Variants in MAGI2 observed in about 807,000 individuals in gnomAD.
The protein encoded by MAGI2 is membrane-associated guanylate kinase, WW and PDZ domain-containing protein 2.
A neutral mutation model predicts 133.3 loss-of-function variants in MAGI2; 35 were observed. That is an observed-to-expected ratio of 0.26 (90% CI 0.20 to 0.35). The LOEUF (loss-of-function observed/expected upper bound fraction) is 0.35, where lower values mean the gene tolerates loss of function less well. MAGI2 is among the 10% of genes least tolerant of loss of function. The pLI is 1.00. For missense variants in MAGI2, 1,636 were observed against 1,863.4 expected (o/e 0.88, Z 2.25); for synonymous variants, 729 against 710.6 (o/e 1.03, Z -0.41).
chr7:78,908,061 AC>A, intron 2 of MAGI2, among the ~76,000 whole-genome samples: 1 of 152,292 alleles, frequency 6.6e-6, no homozygotes, highest in East Asian at 1.9e-4. Flanking sequence ...ATATGCAAAG[AC>A]AGTAAGTTAG....
intron 6 of MAGI2, among the ~76,000 whole-genome samples, chr7:78,430,463 C>T (rs183475264): frequency 6.6e-6 from 1 of 151,768 alleles, no homozygotes; most frequent in Admixed American, 6.6e-5. Flanking sequence ...TTCCAGGAAA[C>T]TTATTAAAAA....
At chr7:78,908,879 A>G (rs1798173828) in intron 2 of MAGI2, among the ~76,000 whole-genome samples, 1 of 152,216 alleles carries the variant, frequency 6.6e-6, no homozygotes, top group African/African-American at 2.4e-5. Context: ...AACCTAGGCA[A>G]TACCATTCGG....
chr7:79,439,601 G>A (rs1848370275), intron 1 of MAGI2, among the ~76,000 whole-genome samples: 1 of 151,948 alleles, frequency 6.6e-6, no homozygotes, highest in African/African-American at 2.4e-5. Flanking sequence ...ATTCTTAGAG[G>A]GTAGAATCTG....
chr7:78,985,628 T>C (rs1446405433), intron 2 of MAGI2, among the ~76,000 whole-genome samples: 7 of 152,028 alleles, frequency 4.6e-5, no homozygotes, highest in Admixed American at 4.6e-4. Context: ...TCTTTAATAG[T>C]TTCTTTACCA....
chr7:78,311,443 A>G (rs1010459694), intron 9 of MAGI2, among the ~76,000 whole-genome samples: 1 of 152,236 alleles, frequency 6.6e-6, no homozygotes, highest in African/African-American at 2.4e-5. Context: ...GAGTCTGGGT[A>G]AAGAGGTGTT....
intron 9 of MAGI2, among the ~76,000 whole-genome samples, chr7:78,340,669 C>A (rs531033558): frequency 6.6e-6 from 1 of 152,030 alleles, no homozygotes; most frequent in African/African-American, 2.4e-5. Context: ...AATCAATAAA[C>A]GTAATCCATC....
At chr7:79,185,236 A>T (rs566460854) in intron 1 of MAGI2, among the ~76,000 whole-genome samples, 1 of 151,956 alleles carries the variant, frequency 6.6e-6, no homozygotes, top group Non-Finnish European at 1.5e-5. Flanking sequence ...TCCAAACTCC[A>T]TTGGTATCTT....
rs1807968011 is a variant in MAGI2, at chr7:78,018,502, ATT to A, written c.*811_*812del. On this transcript the variant is annotated 3_prime_UTR_variant, in exon 22 of 22. Transcript: ENST00000354212. ...GTGGTCCTTCAATTATAAAATTCAT[ATT>A]TTAGAGAAAAACCAATTAAGATCTA... is the stretch of plus-strand genomic sequence containing the variant. 1 of 152,252 alleles carries A rather than the reference ATT, an allele frequency of 6.6e-6. No individual in the cohort carries two copies. The highest frequency in any genetic ancestry group is 1.5e-5 in the Non-Finnish European group (1 of 68,044). The allele number at this position is 152,252 out of a possible 1,614,324, so 9.4% of individuals were successfully genotyped here. A position where few individuals can be genotyped will look rare whatever the true frequency, so the allele number is the denominator to read the frequency against.
At chr7:79,340,860 T>C (rs1840845489) in intron 1 of MAGI2, among the ~76,000 whole-genome samples, 1 of 152,128 alleles carries the variant, frequency 6.6e-6, no homozygotes, top group South Asian at 2.1e-4. Flanking sequence ...AGGATGGCCA[T>C]TTACCTGAGG....
intron 4 of MAGI2, among the ~76,000 whole-genome samples, chr7:78,512,962 G>A (rs934069971): frequency 1.3e-5 from 2 of 152,064 alleles, no homozygotes; most frequent in African/African-American, 4.8e-5. Context: ...CAGGGGAGAA[G>A]AAAATATCTA....
intron 3 of MAGI2, among the ~76,000 whole-genome samples, chr7:78,607,526 T>A (rs1805958929): frequency 6.6e-6 from 1 of 150,500 alleles, no homozygotes; most frequent in Admixed American, 6.6e-5. Context: ...AGAGTCTCTG[T>A]AAAATGTACT....
chr7:79,060,999 A>T (rs1181652099), intron 1 of MAGI2, among the ~76,000 whole-genome samples: 1 of 152,118 alleles, frequency 6.6e-6, no homozygotes, highest in African/African-American at 2.4e-5. Context: ...CTATGCAGGG[A>T]TTATCTTGAA....
At chr7:79,281,237 CA>C in intron 1 of MAGI2, among the ~76,000 whole-genome samples, 1 of 152,070 alleles carries the variant, frequency 6.6e-6, no homozygotes, top group Non-Finnish European at 1.5e-5. Flanking sequence ...CTTTGGTGTG[CA>C]TGAGAACCAT....
intron 9 of MAGI2, among the ~76,000 whole-genome samples, chr7:78,256,839 G>A (rs781479793): frequency 6.6e-6 from 1 of 152,088 alleles, no homozygotes; most frequent in Non-Finnish European, 1.5e-5. Context: ...AGAAACAAAG[G>A]CTCTGAAAGA....
chr7:78,076,664 G>A (rs970861247), intron 21 of MAGI2, among the ~76,000 whole-genome samples: 3 of 148,904 alleles, frequency 2.0e-5, no homozygotes, highest in African/African-American at 7.4e-5. Flanking sequence ...GGCTAACAAG[G>A]TGAAACCCCG....
Position 78,209,796 on chromosome 7 carries a change from C to G in MAGI2, c.2048-8603G>C, listed in dbSNP as rs554107192. On this transcript the variant is annotated intron_variant, in intron 10 of 21. Coordinates refer to ENST00000354212, the MANE Select transcript of MAGI2 (RefSeq NM_012301.4). Reference sequence around the variant, plus strand: ...TTCCTGTTACAGTTGAGACGAAACGCAAAACCTACAAGGCTCTGAAGAAAT... The same window carrying G: ...TTCCTGTTACAGTTGAGACGAAACGGAAAACCTACAAGGCTCTGAAGAAAT... 2.0e-5 allele frequency among the ~76,000 whole-genome samples: 3 copies of G among 152,262 alleles called. No homozygotes were observed. The South Asian group carries it at 6.2e-4, about 32-fold the overall frequency.
chr7:78,529,667 G>GTTTTTTTTTTTTTTTT (rs1563128653), intron 3 of MAGI2, among the ~76,000 whole-genome samples: 4 of 56,320 alleles, frequency 7.1e-5, no homozygotes, highest in African/African-American at 2.6e-4. Context: ...TAAAGGAGAT[G>GTTTTTTTTTTTTTTTT]GTTTTTTTTT....
intron 9 of MAGI2, among the ~76,000 whole-genome samples, chr7:78,260,844 C>T (rs892397479): frequency 2.0e-5 from 3 of 152,230 alleles, no homozygotes; most frequent in African/African-American, 7.2e-5. Flanking sequence ...TTTAAAACTG[C>T]TGTCCTGTAT....
chr7:78,073,001 T>C (rs1814874667), intron 21 of MAGI2: 3 of 398,522 alleles, frequency 7.5e-6, no homozygotes, highest in South Asian at 2.5e-4. Context: ...TGACCATTAC[T>C]TATTGCTATC....
Sources: allele counts gnomAD v4.1 joint callset (sites outside exome capture counted in the v4.1 genomes callset), GRCh38; gene constraint gnomAD v4.1.1; transcripts MANE v1.5; gene names NCBI Gene and HGNC (gene_info 2026-07-23, HGNC 2026-07-21).